The following MDGA1 variants were observed in gnomAD, a reference collection of about 807,000 sequenced individuals.
The protein encoded by MDGA1 is MAM domain-containing glycosylphosphatidylinositol anchor protein 1.
In MDGA1, 54 loss-of-function variants were observed where a neutral mutation model predicts 101.5. The ratio of observed to expected loss-of-function variants is 0.53; its 90% CI spans 0.43 to 0.67. The LOEUF is 0.67. Among genes scored for constraint, MDGA1 ranks in the 30% least tolerant of loss-of-function variants. The pLI, the probability that MDGA1 is intolerant of heterozygous loss-of-function variation, is 0.00. For missense variants in MDGA1, 1,083 were observed against 1,323.8 expected, an observed-to-expected ratio of 0.82 and a Z score of 2.82; for synonymous variants, 533 against 558.3, an observed-to-expected ratio of 0.95 and a Z score of 0.64.
intron 1 of MDGA1, among the ~76,000 whole-genome samples, chr6:37,674,587 T>TG (rs1301837465): frequency 1.3e-5 from 2 of 152,224 alleles, no homozygotes; most frequent in African/African-American, 4.8e-5. Flanking sequence ...TGGCAGGTGA[T>TG]GCTCATAGAA....
chr6:37,648,535 ATGGGTTTCGAAGGGGTCTAGGCC>A (rs1490681066), intron 9 of MDGA1: 1 of 176,286 alleles, frequency 5.7e-6, no homozygotes, highest in Non-Finnish European at 1.2e-5. Flanking sequence ...CGTGGCTTGG[ATGGGTTTCGAAGGGGTCTAGGCC>A]TGGTTTGGGT....
intron 2 of MDGA1, among the ~76,000 whole-genome samples, chr6:37,663,604 C>A (rs4357132): frequency 0.58 from 88,800 of 152,076 alleles, 27,310 homozygotes; most frequent in East Asian, 0.85. Flanking sequence ...TGAGGCTCCA[C>A]AGGGAAAACA....
In MDGA1 at chr6:37,654,465, A is replaced by G; in HGVS notation, c.791T>C (p.Leu264Pro). The G allele has an allele frequency of 6.2e-7, 1 of 1,614,022 alleles. No individual in the cohort carries two copies. Among genetic ancestry groups the G allele is most frequent in the Non-Finnish European group, 8.5e-7 (1 of 1,179,892 alleles). Residue 264 changes from leucine (L) to proline (P), a missense_variant, in exon 6 of 17, where the codon CTG (leucine) becomes CCG (proline). Transcript: ENST00000434837. ...CTGGGGGAGGGGATCACCGCCTGTC[A>G]GCAGACACTGCACCGTCACATTCTC... Reference protein sequence around the residue: ...PGENVTVQCLLTGGDPLPQLQ... With the variant: ...PGENVTVQCLPTGGDPLPQLQ...
rs370697927 is a variant in MDGA1, at chr6:37,654,355, G to A, written c.901C>T (p.Arg301Trp). 136 of 1,611,078 alleles carry A rather than the reference G, an allele frequency of 8.4e-5. No individual in the cohort carries two copies. The highest frequency in any genetic ancestry group is 1.1e-4 in the Non-Finnish European group (125 of 1,178,470). The part of the protein sequence containing the change: ...GTLSIPSVQA[R>W]DSGYYNCTAT... ...GTGCAGTTGTAGTAGCCAGAGTCCC[G>A]GGCCTGCACTGAAGGGATGCTGAGG... Residue 301 changes from arginine (R) to tryptophan (W), a missense_variant, in exon 6 of 17, where the codon CGG becomes TGG. This residue lies in a region of MDGA1 where 116 missense variants were observed against 196.6 expected (regional missense o/e 0.59). Coordinates refer to ENST00000434837, the MANE Select transcript of MDGA1 (RefSeq NM_153487.4).
chr6:37,647,621 A>C (rs1467530407), intron 9 of MDGA1, among the ~76,000 whole-genome samples: 2 of 152,040 alleles, frequency 1.3e-5, no homozygotes, highest in East Asian at 3.9e-4. Context: ...AGAGAAATTT[A>C]GGAAGACACA....
intron 1 of MDGA1, among the ~76,000 whole-genome samples, chr6:37,694,413 C>G (rs1379263281): frequency 6.6e-6 from 1 of 152,198 alleles, no homozygotes; most frequent in Non-Finnish European, 1.5e-5. Flanking sequence ...GCTGTTGTGC[C>G]GGGGACCATG....
chr6:37,660,125 G>T (rs1450437490), intron 2 of MDGA1, among the ~76,000 whole-genome samples: 1 of 149,604 alleles, frequency 6.7e-6, no homozygotes, highest in Admixed American at 6.7e-5. Flanking sequence ...GGATCCTCCT[G>T]CCACAGACTC....
intron 1 of MDGA1, among the ~76,000 whole-genome samples, chr6:37,682,592 G>A (rs542714239): frequency 3.9e-5 from 6 of 152,228 alleles, no homozygotes; most frequent in African/African-American, 1.4e-4. Flanking sequence ...CCTCTCTGCT[G>A]TGTGGCCTGA....
At chr6:37,651,711 T>C (rs992137086) in intron 7 of MDGA1, among the ~76,000 whole-genome samples, 12 of 152,206 alleles carry the variant, frequency 7.9e-5, no homozygotes, top group Non-Finnish European at 8.8e-5. Flanking sequence ...AGGGAACTCT[T>C]TCCAGGCTCT....
At chr6:37,672,155 A>G (rs1377935511) in intron 1 of MDGA1, among the ~76,000 whole-genome samples, 1 of 151,962 alleles carries the variant, frequency 6.6e-6, no homozygotes, top group East Asian at 1.9e-4. Flanking sequence ...AAAGAAAAAA[A>G]AAAAGTTCCT....
chr6:37,652,113 C>T lies in MDGA1; in HGVS notation c.1210G>A (p.Asp404Asn). The T allele has an allele frequency of 6.2e-7, 1 of 1,613,856 alleles. No individual in the cohort carries two copies. The highest frequency in any genetic ancestry group is 8.5e-7 in the Non-Finnish European group (1 of 1,179,894). ...PAVTSSLELIDLHFSDYGTYL... is the reference protein window; with the variant it reads ...PAVTSSLELINLHFSDYGTYL... ...GTGCCATAGTCACTGAAGTGCAGGT[C>T]AATGAGCTCTAGGCTGCTGGTGACT... Residue 404 changes from aspartate (D) to asparagine (N), a missense_variant, in exon 7 of 17, where the codon GAC becomes AAC. By Grantham distance (23) the Asp-to-Asn change is conservative. Transcript: ENST00000434837. The surrounding 1 kb of genome is among the most constrained non-coding windows in gnomAD (Gnocchi z 4.3).
intron 1 of MDGA1, among the ~76,000 whole-genome samples, chr6:37,669,887 C>CA (rs1261930910): frequency 1.3e-5 from 2 of 151,964 alleles, no homozygotes; most frequent in African/African-American, 4.8e-5. Flanking sequence ...AGATGGATAG[C>CA]AAAAAAGGAA....
At chr6:37,651,919 T>C (rs1297375617) in intron 7 of MDGA1, 92 bp downstream of exon 7, 1 of 1,106,582 alleles carries the variant, frequency 9.0e-7, no homozygotes, top group Admixed American at 2.8e-5. Flanking sequence ...CACTCTGGCT[T>C]CCCTTTCCCA....
intron 1 of MDGA1, among the ~76,000 whole-genome samples, chr6:37,669,608 T>C (rs1761827976): frequency 6.6e-6 from 1 of 152,132 alleles, no homozygotes; most frequent in Non-Finnish European, 1.5e-5. Flanking sequence ...GCCAGAACCA[T>C]GTTTCTGACC....
intron 1 of MDGA1, among the ~76,000 whole-genome samples, chr6:37,695,446 A>C (rs1449481996): frequency 6.6e-6 from 1 of 152,178 alleles, no homozygotes; most frequent in African/African-American, 2.4e-5. Context: ...ACACAAACTA[A>C]TTAAGAAGCA....
At chr6:37,671,399 A>G (rs776711347) in intron 1 of MDGA1, among the ~76,000 whole-genome samples, 20 of 152,212 alleles carry the variant, frequency 1.3e-4, no homozygotes, top group Non-Finnish European at 1.8e-4. Context: ...TTAGTGGAGA[A>G]AAGCTTAATA....
chr6:37,693,064 G>T (rs1762347217), intron 1 of MDGA1, among the ~76,000 whole-genome samples: 2 of 152,224 alleles, frequency 1.3e-5, no homozygotes, highest in Non-Finnish European at 2.9e-5. Context: ...AAACAAAGCA[G>T]CTTGGATTTG....
chr6:37,632,253 C>T lies in MDGA1; in HGVS notation c.*5115G>A, dbSNP rs1306807252. ...ATATATGTCTTGGTGTCATTATTAGCTTACTGTCCATCTCTCCCATTAAAC... is the reference window on the plus strand; with the variant it reads ...ATATATGTCTTGGTGTCATTATTAGTTTACTGTCCATCTCTCCCATTAAAC... On this transcript the variant is annotated 3_prime_UTR_variant, in exon 17 of 17. Transcript: ENST00000434837. 5 of 152,238 alleles carry T rather than the reference C, an allele frequency of 3.3e-5. No individual in the cohort carries two copies. Among genetic ancestry groups the T allele is most frequent in the African/African-American group, 1.2e-4 (5 of 41,436 alleles). The allele number at this position is 152,238 out of a possible 1,614,324, so 9.4% of individuals were successfully genotyped here. A position where few individuals can be genotyped will look rare whatever the true frequency, so the allele number is the denominator to read the frequency against.
chr6:37,650,390 C>T lies in MDGA1; in HGVS notation c.1328G>A (p.Ser443Asn), dbSNP rs1203985503. 1.3e-6 allele frequency: 2 copies of T among 1,552,794 alleles called. No individual in the cohort carries two copies. The highest frequency in any genetic ancestry group is 1.7e-6 in the Non-Finnish European group (2 of 1,147,090). Residue 443 changes from serine (S) to asparagine (N), a missense_variant, in exon 8 of 17, where the codon AGT (serine) becomes AAT (asparagine). Transcript: ENST00000434837. ...CACCACGGCCCTACCCTTGGGCACACTGATGGTGGGCGGCACTGTGGGGGT... is the reference window on the plus strand; with the variant it reads ...CACCACGGCCCTACCCTTGGGCACATTGATGGTGGGCGGCACTGTGGGGGT... ...ISSETVPPTISVPKGRAVVTV... is the reference protein window; with the variant it reads ...ISSETVPPTINVPKGRAVVTV...
Sources: allele counts gnomAD v4.1 joint callset (sites outside exome capture counted in the v4.1 genomes callset), GRCh38; gene constraint gnomAD v4.1.1; regional missense constraint gnomAD v4.1.1; non-coding constraint Gnocchi (gnomAD v3.1); transcripts MANE v1.5; gene names NCBI Gene and HGNC (gene_info 2026-07-23, HGNC 2026-07-21).